The following ADCY2 variants were observed in gnomAD, a reference collection of about 807,000 sequenced individuals.
ADCY2 encodes the protein adenylate cyclase type 2.
In ADCY2, 31 loss-of-function variants were observed where a neutral mutation model predicts 125.2. That is an observed-to-expected ratio of 0.25 (90% CI 0.19 to 0.33). The LOEUF is 0.33. ADCY2 is among the 10% of genes least tolerant of loss of function. The pLI, the probability that ADCY2 is intolerant of heterozygous loss-of-function variation, is 1.00. For missense variants in ADCY2, 904 were observed against 1,418.2 expected, an observed-to-expected ratio of 0.64 and a Z score of 5.82; for synonymous variants, 512 against 548.4, an observed-to-expected ratio of 0.93 and a Z score of 0.93.
intron 4 of ADCY2, among the ~76,000 whole-genome samples, chr5:7,684,574 G>A (rs1232852119): frequency 6.6e-6 from 1 of 152,190 alleles, no homozygotes; most frequent in Non-Finnish European, 1.5e-5. Context: ...GTCATCGCAT[G>A]TGAGTGATAA....
In ADCY2 at chr5:7,712,852, A is replaced by T; in HGVS notation, c.1579-4A>T. ...ACAATTAATAACCTTTTTTCTCAAT[A>T]TAGGATGTACCCATGGGTCAGCATA... is the stretch of plus-strand genomic sequence containing the variant. On this transcript the variant is annotated splice_polypyrimidine_tract_variant and splice_region_variant and intron_variant, in intron 10 of 24. Coordinates refer to ENST00000338316, the MANE Select transcript of ADCY2 (RefSeq NM_020546.3). 6.2e-7 allele frequency: 1 copy of T among 1,601,742 alleles called. No homozygotes were observed. The highest frequency in any genetic ancestry group is 1.1e-5 in the South Asian group (1 of 90,392).
intron 3 of ADCY2, among the ~76,000 whole-genome samples, chr5:7,544,119 G>T (rs550345405): frequency 8.6e-5 from 13 of 150,812 alleles, no homozygotes; most frequent in African/African-American, 3.2e-4. Context: ...TCTGGGTTGA[G>T]CCCCTTCCCC....
chr5:7,545,529 G>A (rs891309829), intron 3 of ADCY2, among the ~76,000 whole-genome samples: 3 of 152,132 alleles, frequency 2.0e-5, no homozygotes, highest in South Asian at 4.1e-4. Context: ...TGCTCTCGAC[G>A]TGTAGAAGTT....
intron 2 of ADCY2, among the ~76,000 whole-genome samples, chr5:7,479,632 A>AT (rs1561048222): frequency 1.9e-5 from 2 of 102,694 alleles, no homozygotes; most frequent in Admixed American, 8.7e-5. Context: ...GTACAATTAA[A>AT]ATTTTTTTTT....
At chr5:7,431,856 A>T (rs1447848884) in intron 2 of ADCY2, among the ~76,000 whole-genome samples, 3 of 152,178 alleles carry the variant, frequency 2.0e-5, no homozygotes, top group Admixed American at 1.3e-4. Context: ...AGGCAGGGAA[A>T]TTCTGGGCAG....
chr5:7,438,555 G>T (rs1462997570), intron 2 of ADCY2, among the ~76,000 whole-genome samples: 1 of 152,166 alleles, frequency 6.6e-6, no homozygotes, highest in Non-Finnish European at 1.5e-5. Context: ...CAGGGGTGTG[G>T]CTGTGGTTTA....
At chr5:7,713,873 G>C (rs1030924795) in intron 11 of ADCY2, among the ~76,000 whole-genome samples, 2 of 152,052 alleles carry the variant, frequency 1.3e-5, no homozygotes, top group African/African-American at 4.8e-5. Context: ...AGAAACTAAG[G>C]AAAAATATGA....
At chr5:7,580,152 C>T (rs1030887456) in intron 3 of ADCY2, among the ~76,000 whole-genome samples, 2 of 152,112 alleles carry the variant, frequency 1.3e-5, no homozygotes, top group African/African-American at 2.4e-5. Flanking sequence ...GTACTATGCT[C>T]AGTACCTGGG....
intron 7 of ADCY2, among the ~76,000 whole-genome samples, chr5:7,702,510 A>G (rs1741120909): frequency 6.6e-6 from 1 of 152,008 alleles, no homozygotes; most frequent in South Asian, 2.1e-4. Flanking sequence ...TAGTTTGCTG[A>G]GAATGATGGT....
chr5:7,632,304 G>A (rs1234381943), intron 4 of ADCY2, among the ~76,000 whole-genome samples: 2 of 149,334 alleles, frequency 1.3e-5, no homozygotes, highest in Non-Finnish European at 3.0e-5. Context: ...CCCTGCTTAT[G>A]TTTTTGAGAT....
At chr5:7,807,540 C>T (rs1744792721) in intron 22 of ADCY2, among the ~76,000 whole-genome samples, 1 of 152,188 alleles carries the variant, frequency 6.6e-6, no homozygotes, top group South Asian at 2.1e-4. Flanking sequence ...TGTCTGGCCC[C>T]AGCCTGTGCT....
chr5:7,766,293 T>A (rs1489574586), intron 16 of ADCY2, among the ~76,000 whole-genome samples: 1 of 152,154 alleles, frequency 6.6e-6, no homozygotes, highest in African/African-American at 2.4e-5. Flanking sequence ...TGAGCCAAGA[T>A]GGCAAAGATA....
intron 2 of ADCY2, among the ~76,000 whole-genome samples, chr5:7,427,663 T>C (rs370176285): frequency 3.9e-5 from 6 of 152,264 alleles, no homozygotes; most frequent in African/African-American, 1.4e-4. Context: ...TCATCTTAGC[T>C]AATTACATCT....
At chr5:7,637,916 T>C (rs1579263158) in intron 4 of ADCY2, among the ~76,000 whole-genome samples, 1 of 152,124 alleles carries the variant, frequency 6.6e-6, no homozygotes, top group African/African-American at 2.4e-5. Context: ...ATTATAAATA[T>C]GGAAAAAGCA....
chr5:7,422,511 G>A (rs1198273048), intron 2 of ADCY2, among the ~76,000 whole-genome samples: 1 of 152,148 alleles, frequency 6.6e-6, no homozygotes, highest in Non-Finnish European at 1.5e-5. Flanking sequence ...GGATAGGAAA[G>A]CTGACCCACA....
chr5:7,768,265 G>A (rs1249968112), intron 17 of ADCY2, among the ~76,000 whole-genome samples: 2 of 152,190 alleles, frequency 1.3e-5, no homozygotes, highest in African/African-American at 4.8e-5. Context: ...TATGTGAAAA[G>A]TGAAAAGCTA....
At chr5:7,727,917 T>C (rs1741979439) in intron 14 of ADCY2, among the ~76,000 whole-genome samples, 1 of 152,180 alleles carries the variant, frequency 6.6e-6, no homozygotes, top group Non-Finnish European at 1.5e-5. Context: ...TCTTGCACCT[T>C]CTTAATTAGT....
intron 16 of ADCY2, among the ~76,000 whole-genome samples, chr5:7,760,359 G>A (rs978977810): frequency 2.0e-5 from 3 of 152,190 alleles, no homozygotes; most frequent in South Asian, 2.1e-4. Context: ...AGTTGACTCC[G>A]TAGCCAAGGG....
chr5:7,532,817 C>T (rs760652900), intron 3 of ADCY2, among the ~76,000 whole-genome samples: 2 of 151,882 alleles, frequency 1.3e-5, no homozygotes, highest in Non-Finnish European at 2.9e-5. Flanking sequence ...TTCTTTAATT[C>T]GTGGCTTGAT....
Sources: allele counts gnomAD v4.1 joint callset (sites outside exome capture counted in the v4.1 genomes callset), GRCh38; gene constraint gnomAD v4.1.1; transcripts MANE v1.5; gene names NCBI Gene and HGNC (gene_info 2026-07-23, HGNC 2026-07-21).